The following CNKSR3 variants were observed in gnomAD, a reference collection of about 807,000 sequenced individuals.
The protein encoded by CNKSR3 is connector enhancer of kinase suppressor of ras 3.
CNKSR3 carries 36 observed loss-of-function variants against 67.7 expected under a neutral mutation model. That is an observed-to-expected ratio of 0.53 (90% CI 0.41 to 0.70). The LOEUF is 0.70. CNKSR3 is among the 30% of genes least tolerant of loss of function. The pLI is 0.00. For synonymous variants in CNKSR3, 281 were observed against 271.4 expected (o/e 1.04, Z -0.35); for missense variants, 630 against 695.2 (o/e 0.91, Z 1.05).
chr6:154,467,039 T>C (rs1251013009), intron 1 of CNKSR3, among the ~76,000 whole-genome samples: 1 of 152,058 alleles, frequency 6.6e-6, no homozygotes, highest in Admixed American at 6.5e-5. Flanking sequence ...GGCAAAACTT[T>C]GGGGAAGAGG....
intron 10 of CNKSR3, among the ~76,000 whole-genome samples, chr6:154,412,260 G>A (rs1304389128): frequency 1.3e-5 from 2 of 152,196 alleles, no homozygotes; most frequent in East Asian, 3.9e-4. Context: ...CATTCACAAA[G>A]CTTTCATGAC....
intron 1 of CNKSR3, among the ~76,000 whole-genome samples, chr6:154,483,105 A>G (rs1016267237): frequency 3.9e-5 from 6 of 152,168 alleles, no homozygotes; most frequent in Non-Finnish European, 7.3e-5. Flanking sequence ...TCTTGGACGA[A>G]GGACAGGAAG....
At chr6:154,425,327 C>T (rs1785234573) in intron 7 of CNKSR3, among the ~76,000 whole-genome samples, 1 of 152,186 alleles carries the variant, frequency 6.6e-6, no homozygotes. Flanking sequence ...CCTGAATTGA[C>T]TTCCCTTCCT....
At chr6:154,494,876 T>C (rs937218490) in intron 1 of CNKSR3, among the ~76,000 whole-genome samples, 4 of 148,614 alleles carry the variant, frequency 2.7e-5, no homozygotes, top group African/African-American at 1.0e-4. Flanking sequence ...CAGAACTGCT[T>C]ATCTCTCCAA....
intron 1 of CNKSR3, among the ~76,000 whole-genome samples, chr6:154,498,791 GC>G (rs1376975179): frequency 2.6e-5 from 4 of 152,168 alleles, no homozygotes; most frequent in African/African-American, 9.7e-5. Flanking sequence ...AGACAAAAGA[GC>G]TTTTTGCTTT....
At chr6:154,490,389 A>T (rs1786761010) in intron 1 of CNKSR3, among the ~76,000 whole-genome samples, 1 of 152,226 alleles carries the variant, frequency 6.6e-6, no homozygotes, top group African/African-American at 2.4e-5. Context: ...ATGCATATTT[A>T]TATGTATGTA....
chr6:154,408,082 T>G (rs1562317392), intron 12 of CNKSR3, among the ~76,000 whole-genome samples: 1 of 152,136 alleles, frequency 6.6e-6, no homozygotes, highest in Admixed American at 6.5e-5. Flanking sequence ...TGGAGTGCAA[T>G]GGAGAGGTCT....
chr6:154,469,377 T>C (rs1239237942), intron 1 of CNKSR3, among the ~76,000 whole-genome samples: 1 of 152,180 alleles, frequency 6.6e-6, no homozygotes, highest in African/African-American at 2.4e-5. Context: ...AATATATGAA[T>C]AATCCAGAGA....
chr6:154,463,113 C>CTT (rs774013751), intron 1 of CNKSR3, among the ~76,000 whole-genome samples: 56 of 140,082 alleles, frequency 4.0e-4, no homozygotes, highest in African/African-American at 6.9e-4. Context: ...TTTTTCTTTC[C>CTT]TTTTTTTTTT....
At chr6:154,421,127 C>T (rs1053615586) in intron 9 of CNKSR3, among the ~76,000 whole-genome samples, 1 of 152,198 alleles carries the variant, frequency 6.6e-6, no homozygotes, top group Non-Finnish European at 1.5e-5. Flanking sequence ...AACTCTTCTG[C>T]CTCAGCCTCC....
intron 10 of CNKSR3, among the ~76,000 whole-genome samples, 176 bp downstream of exon 10, chr6:154,414,123 T>C (rs946084184): frequency 6.6e-6 from 1 of 152,078 alleles, no homozygotes; most frequent in African/African-American, 2.4e-5. Context: ...AGAACCCAGA[T>C]ATGTCCCTAC....
At chr6:154,418,313 T>C (rs1208433192) in intron 9 of CNKSR3, among the ~76,000 whole-genome samples, 2 of 152,218 alleles carry the variant, frequency 1.3e-5, no homozygotes, top group Non-Finnish European at 2.9e-5. Context: ...CCAGTTTTAC[T>C]TGGAGCACAT....
intron 4 of CNKSR3, among the ~76,000 whole-genome samples, chr6:154,435,951 C>T (rs1266966647): frequency 5.3e-5 from 8 of 152,082 alleles, no homozygotes; most frequent in African/African-American, 1.9e-4. Flanking sequence ...GAATGCACAC[C>T]TGCTGAGAAT....
intron 1 of CNKSR3, among the ~76,000 whole-genome samples, chr6:154,498,908 G>A (rs1318624602): frequency 1.3e-5 from 2 of 152,188 alleles, no homozygotes; most frequent in African/African-American, 4.8e-5. Flanking sequence ...TGCTAAGTGA[G>A]GAAGCTCAAC....
chr6:154,418,547 A>G (rs915663709), intron 9 of CNKSR3, among the ~76,000 whole-genome samples: 14 of 152,152 alleles, frequency 9.2e-5, no homozygotes, highest in Non-Finnish European at 1.5e-4. Context: ...TCTCTCCTTC[A>G]GAATCCAACA....
chr6:154,408,800 TA>T (rs1784853193), intron 12 of CNKSR3, among the ~76,000 whole-genome samples: 1 of 152,242 alleles, frequency 6.6e-6, no homozygotes, highest in South Asian at 2.1e-4. Flanking sequence ...ATAAAACTGT[TA>T]TTTTTTTAAG....
At chr6:154,429,803 G>T (rs1785328110) in intron 6 of CNKSR3, among the ~76,000 whole-genome samples, 1 of 151,942 alleles carries the variant, frequency 6.6e-6, no homozygotes, top group Non-Finnish European at 1.5e-5. Context: ...TATGCTTGGT[G>T]CCTGGTACTT....
At chr6:154,470,188 C>CT (rs869154714) in intron 1 of CNKSR3, among the ~76,000 whole-genome samples, 3,376 of 68,734 alleles carry the variant, frequency 0.049, 611 homozygotes, top group Admixed American at 0.071. Flanking sequence ...ACTTTCTTTC[C>CT]TTTTTTTTTT....
chr6:154,423,019 T>C, intron 7 of CNKSR3, 36 bp from the exon 8 acceptor site: 2 of 1,338,210 alleles, frequency 1.5e-6, no homozygotes, highest in Non-Finnish European at 2.1e-6. Context: ...TTAATTCTTT[T>C]AAACCTTCTA....
Sources: gnomAD v4.1 joint callset for allele counts (sites outside exome capture counted in the v4.1 genomes callset) on GRCh38, gnomAD v4.1.1 for gene constraint, MANE v1.5 for transcripts, NCBI Gene and HGNC (gene_info 2026-07-23, HGNC 2026-07-21) for gene names.